The following NELL1 variants were observed in gnomAD, a reference collection of about 807,000 sequenced individuals.
The protein encoded by NELL1 is protein kinase C-binding protein NELL1.
In NELL1, 76 loss-of-function variants were observed where a neutral mutation model predicts 107.4. That is an observed-to-expected ratio of 0.71 (90% confidence interval 0.59 to 0.86). The LOEUF is 0.86. NELL1 is among the 40% of genes least tolerant of loss of function. The probability of loss-of-function intolerance (pLI) is 0.00; values close to 1 mark genes in which losing one functional copy is unlikely to be tolerated. For synonymous variants in NELL1, 353 were observed against 341.2 expected (o/e 1.03, Z -0.38); for missense variants, 1,024 against 1,005.5 (o/e 1.02, Z -0.25).
At chr11:21,282,821 A>G (rs1168575208) in intron 14 of NELL1, among the ~76,000 whole-genome samples, 1 of 151,958 alleles carries the variant, frequency 6.6e-6, no homozygotes. Flanking sequence ...GTACTTATAC[A>G]CAATGGAGTA....
In NELL1 at chr11:20,789,002, C is replaced by T. The variant is rs552251787; in HGVS notation, c.335+5172C>T. 3.3e-5 allele frequency among the ~76,000 whole-genome samples: 5 copies of T among 152,242 alleles called. No individual in the cohort carries two copies. In the East Asian group the frequency reaches 9.7e-4, roughly 29 times the overall value. On this transcript the variant is annotated intron_variant, in intron 3 of 19. Coordinates refer to ENST00000357134, the MANE Select transcript of NELL1 (RefSeq NM_006157.5). ...CCACTTGTTGAAGACTGCTTTTCTT[C>T]CAGTGAATTGTATTGGCACCCTGTT... is the stretch of plus-strand genomic sequence containing the variant.
intron 14 of NELL1, among the ~76,000 whole-genome samples, chr11:21,313,069 AAATAAAATAAAAT>A (rs1849784472): frequency 6.6e-6 from 1 of 151,704 alleles, no homozygotes; most frequent in Admixed American, 6.6e-5. Flanking sequence ...AAATAAAATA[AAATAAAATAAAAT>A]AATAAAATAA....
At chr11:21,565,304 C>T (rs1191314029) in intron 17 of NELL1, among the ~76,000 whole-genome samples, 1 of 151,778 alleles carries the variant, frequency 6.6e-6, no homozygotes, top group Non-Finnish European at 1.5e-5. Context: ...TTTCTATTTC[C>T]CTGACTCTTT....
At chr11:21,342,601 G>C (rs1395276824) in intron 14 of NELL1, among the ~76,000 whole-genome samples, 2 of 147,682 alleles carry the variant, frequency 1.4e-5, no homozygotes, top group Non-Finnish European at 3.0e-5. Flanking sequence ...CCATGATCAT[G>C]CCACTGCACT....
intron 2 of NELL1, among the ~76,000 whole-genome samples, chr11:20,746,566 TCACACACACACA>T (rs10556247): frequency 0.13 from 18,976 of 148,880 alleles, 1,565 homozygotes; most frequent in African/African-American, 0.24. Flanking sequence ...GTGACAGATT[TCACACACACACA>T]CACACACACA....
intron 3 of NELL1, among the ~76,000 whole-genome samples, chr11:20,808,448 C>T (rs971352949): frequency 1.3e-5 from 2 of 152,184 alleles, no homozygotes. Flanking sequence ...AGCAGTCTTT[C>T]TTGGAGCTGT....
chr11:21,137,733 A>G (rs1371084037), intron 13 of NELL1, among the ~76,000 whole-genome samples: 1 of 152,190 alleles, frequency 6.6e-6, no homozygotes, highest in African/African-American at 2.4e-5. Flanking sequence ...ATACAGGTGG[A>G]GGAGCTGGCT....
At chr11:21,443,495 G>GA (rs917795845) in intron 15 of NELL1, among the ~76,000 whole-genome samples, 13 of 139,764 alleles carry the variant, frequency 9.3e-5, no homozygotes, top group African/African-American at 2.8e-4. Flanking sequence ...CTTCTGGTGA[G>GA]AAAAAAAAAT....
chr11:21,497,076 C>T (rs141424516), intron 15 of NELL1, among the ~76,000 whole-genome samples: 21,277 of 147,104 alleles, frequency 0.14, 1,645 homozygotes, highest in Non-Finnish European at 0.17. Flanking sequence ...TGAATAGTGC[C>T]GCAATAAGCA....
chr11:21,294,115 A>G (rs1849327158), intron 14 of NELL1, among the ~76,000 whole-genome samples: 1 of 152,076 alleles, frequency 6.6e-6, no homozygotes, highest in Non-Finnish European at 1.5e-5. Context: ...AAAATGGCAA[A>G]AAACTGTTAA....
intron 2 of NELL1, among the ~76,000 whole-genome samples, chr11:20,734,135 G>C (rs1271111741): frequency 6.6e-6 from 1 of 152,134 alleles, no homozygotes; most frequent in Non-Finnish European, 1.5e-5. Context: ...CAAGTATGAA[G>C]GCTCCAAGCT....
intron 15 of NELL1, among the ~76,000 whole-genome samples, chr11:21,401,229 G>A (rs991157066): frequency 1.3e-5 from 2 of 151,798 alleles, no homozygotes; most frequent in Non-Finnish European, 2.9e-5. Flanking sequence ...TATGGTATAA[G>A]TTCTTCAGCC....
At chr11:20,962,523 T>C (rs1426292309) in intron 12 of NELL1, among the ~76,000 whole-genome samples, 1 of 152,226 alleles carries the variant, frequency 6.6e-6, no homozygotes, top group African/African-American at 2.4e-5. Context: ...CCCACTTCTC[T>C]ATTGAGACCC....
chr11:21,453,651 G>A (rs981246494), intron 15 of NELL1, among the ~76,000 whole-genome samples: 2 of 151,730 alleles, frequency 1.3e-5, no homozygotes, highest in African/African-American at 2.4e-5. Context: ...ATATAGTTGG[G>A]TTTAAATCTA....
At chr11:20,711,086 T>C (rs893816655) in intron 2 of NELL1, among the ~76,000 whole-genome samples, 5 of 152,198 alleles carry the variant, frequency 3.3e-5, no homozygotes, top group Non-Finnish European at 2.9e-5. Context: ...GGTTTGTTCT[T>C]GTTTCTCTAG....
intron 15 of NELL1, among the ~76,000 whole-genome samples, chr11:21,513,414 T>G (rs1855486326): frequency 1.3e-5 from 2 of 152,152 alleles, no homozygotes; most frequent in Non-Finnish European, 2.9e-5. Context: ...GAGAGACACA[T>G]TGGTGGCTTG....
At chr11:21,281,240 G>C (rs1304395507) in intron 14 of NELL1, among the ~76,000 whole-genome samples, 1 of 151,858 alleles carries the variant, frequency 6.6e-6, no homozygotes, top group Non-Finnish European at 1.5e-5. Context: ...TGAAGGTAAG[G>C]ACCCAGTCTT....
chr11:21,391,586 A>G (rs1851879923), intron 15 of NELL1, among the ~76,000 whole-genome samples: 1 of 151,522 alleles, frequency 6.6e-6, no homozygotes, highest in African/African-American at 2.4e-5. Flanking sequence ...GAGACATTTC[A>G]TCAACATTAT....
intron 15 of NELL1, among the ~76,000 whole-genome samples, chr11:21,498,196 ATTC>A (rs1361120519): frequency 6.6e-6 from 1 of 151,542 alleles, no homozygotes; most frequent in East Asian, 1.9e-4. Flanking sequence ...TAAAATCTAA[ATTC>A]TTTTTATATT....
Sources: allele counts gnomAD v4.1 joint callset (sites outside exome capture counted in the v4.1 genomes callset), GRCh38; gene constraint gnomAD v4.1.1; transcripts MANE v1.5; gene names NCBI Gene and HGNC (gene_info 2026-07-23, HGNC 2026-07-21).